MEF2A: variants seen among roughly 807,000 people sequenced by gnomAD.
MEF2A encodes the protein myocyte enhancer factor 2A.
Under a neutral mutation model 55.8 loss-of-function variants are expected in MEF2A, and 28 were observed. The ratio of observed to expected loss-of-function variants is 0.50; its 90% CI spans 0.37 to 0.69. The LOEUF (loss-of-function observed/expected upper bound fraction) is 0.69, where lower values mean the gene tolerates loss of function less well. Ranked by LOEUF, MEF2A falls within the 30% of genes least tolerant of loss-of-function variation. The pLI is 0.00. For missense variants in MEF2A, 528 were observed against 626.2 expected, an observed-to-expected ratio of 0.84 and a Z score of 1.67; for synonymous variants, 239 against 227.1, an observed-to-expected ratio of 1.05 and a Z score of -0.47.
At position 99,678,316 on chromosome 15, in the gene MEF2A, T is replaced by G. The variant is rs189377210; in HGVS notation, c.670+2858T>G. Reference sequence around the variant, plus strand: ...AGTTCTCTGAAATTTGCTGATACTTTTTTATAGGCCAGCATGTGCTCAATT... The same window carrying G: ...AGTTCTCTGAAATTTGCTGATACTTGTTTATAGGCCAGCATGTGCTCAATT... On this transcript the variant is annotated intron_variant, in intron 7 of 11. Transcript: ENST00000557942. 2.6e-3 allele frequency among the ~76,000 whole-genome samples: 396 copies of G among 152,338 alleles called. 1 individual carries two copies. The highest frequency in any genetic ancestry group is 4.2e-3 in the Non-Finnish European group (285 of 68,012).
At chr15:99,590,958 CAT>C (rs1969076613) in intron 1 of MEF2A, among the ~76,000 whole-genome samples, 2 of 152,120 alleles carry the variant, frequency 1.3e-5, no homozygotes, top group African/African-American at 4.8e-5. Flanking sequence ...TAAAAAATTT[CAT>C]AGACTATATC....
chr15:99,643,781 C>T (rs1596733650), intron 3 of MEF2A, among the ~76,000 whole-genome samples: 3 of 151,906 alleles, frequency 2.0e-5, no homozygotes, highest in Admixed American at 6.6e-5. Context: ...TTAGTAGAGA[C>T]GGGGTTTCGT....
At chr15:99,637,918 C>T (rs1005464921) in intron 3 of MEF2A, among the ~76,000 whole-genome samples, 2 of 152,222 alleles carry the variant, frequency 1.3e-5, no homozygotes, top group African/African-American at 4.8e-5. Flanking sequence ...GTTGGAATCA[C>T]AGGCGTGAGC....
intron 8 of MEF2A, among the ~76,000 whole-genome samples, chr15:99,699,982 G>C (rs77788172): frequency 2.6e-5 from 3 of 114,792 alleles, no homozygotes; most frequent in African/African-American, 9.1e-5. Flanking sequence ...GTGTGTGTGT[G>C]TGTATATATA....
intron 8 of MEF2A, among the ~76,000 whole-genome samples, chr15:99,702,429 C>CTT (rs11429799): frequency 0.013 from 1,716 of 134,294 alleles, 33 homozygotes; most frequent in African/African-American, 0.031. Flanking sequence ...AAAAATGTTT[C>CTT]TTTTTTTTTT....
At chr15:99,594,020 A>T (rs1046558450) in intron 1 of MEF2A, among the ~76,000 whole-genome samples, 5 of 152,052 alleles carry the variant, frequency 3.3e-5, no homozygotes, top group Non-Finnish European at 5.9e-5. Flanking sequence ...TTTCCCACTT[A>T]CCAAGTAGTT....
chr15:99,628,990 A>G (rs2042487193), intron 2 of MEF2A, among the ~76,000 whole-genome samples: 1 of 145,606 alleles, frequency 6.9e-6, no homozygotes, highest in Non-Finnish European at 1.5e-5. Context: ...TGTCAGATAC[A>G]AAATTTTGGT....
At chr15:99,678,078 T>G (rs2052470031) in intron 7 of MEF2A, among the ~76,000 whole-genome samples, 1 of 152,248 alleles carries the variant, frequency 6.6e-6, no homozygotes. Context: ...AAATACTGAT[T>G]ATTTAAAAGA....
intron 4 of MEF2A, among the ~76,000 whole-genome samples, chr15:99,655,756 T>C (rs1248467532): frequency 2.0e-5 from 3 of 152,136 alleles, no homozygotes; most frequent in Non-Finnish European, 4.4e-5. Flanking sequence ...CACATCATGC[T>C]GTTTAAAAAT....
chr15:99,610,032 A>G (rs1976574380), intron 2 of MEF2A, among the ~76,000 whole-genome samples: 2 of 151,986 alleles, frequency 1.3e-5, no homozygotes. Flanking sequence ...AGTGGATACT[A>G]TTTAGAGGAC....
intron 8 of MEF2A, among the ~76,000 whole-genome samples, chr15:99,691,139 T>A (rs1597190099): frequency 7.9e-6 from 1 of 126,680 alleles, no homozygotes; most frequent in African/African-American, 3.0e-5. Context: ...AGGAGTGAAA[T>A]TTAGTAGCCA....
intron 3 of MEF2A, among the ~76,000 whole-genome samples, chr15:99,642,988 C>A (rs1279165983): frequency 6.6e-6 from 1 of 152,116 alleles, no homozygotes; most frequent in Non-Finnish European, 1.5e-5. Flanking sequence ...GTAAACATGA[C>A]TTTATTCCAT....
Position 99,714,959 on chromosome 15 carries a change from C to G in MEF2A, c.*2188C>G, listed in dbSNP as rs1234715485. ...GGCTGCAAACTGGAGGTTCTGTTCT[C>G]ATGGCAGTTTGGGCAGTAACTTTTG... On this transcript the variant is annotated 3_prime_UTR_variant, in exon 12 of 12. Coordinates refer to ENST00000557942, the MANE Select transcript of MEF2A (RefSeq NM_001319206.4). 1 of 152,120 alleles carries G rather than the reference C, an allele frequency of 6.6e-6. No individual in the cohort carries two copies. The highest frequency in any genetic ancestry group is 1.5e-5 in the Non-Finnish European group (1 of 68,046). The allele number at this position is 152,120 out of a possible 1,614,324, so 9.4% of individuals were successfully genotyped here. A position where few individuals can be genotyped will look rare whatever the true frequency, so the allele number is the denominator to read the frequency against.
At chr15:99,610,938 A>G in intron 2 of MEF2A, among the ~76,000 whole-genome samples, 1 of 152,246 alleles carries the variant, frequency 6.6e-6, no homozygotes, top group East Asian at 1.9e-4. Flanking sequence ...TTTTGCTTCT[A>G]GGGACACTAT....
intron 7 of MEF2A, among the ~76,000 whole-genome samples, chr15:99,688,625 C>G (rs1340668233): frequency 6.6e-6 from 1 of 152,040 alleles, no homozygotes; most frequent in Admixed American, 6.6e-5. Context: ...GGCGTGGTGG[C>G]GGGCGCCTGT....
intron 1 of MEF2A, among the ~76,000 whole-genome samples, chr15:99,597,552 T>C (rs1971632229): frequency 6.6e-6 from 1 of 152,146 alleles, no homozygotes; most frequent in East Asian, 1.9e-4. Flanking sequence ...CTGCCTCCAC[T>C]TGCCTTGTCA....
chr15:99,647,024 G>T (rs570031776), intron 4 of MEF2A, among the ~76,000 whole-genome samples: 5 of 152,018 alleles, frequency 3.3e-5, no homozygotes, highest in South Asian at 4.1e-4. Context: ...TTTTGCTTTT[G>T]TTGATAACTT....
At chr15:99,664,870 C>G in intron 4 of MEF2A, among the ~76,000 whole-genome samples, 1 of 152,160 alleles carries the variant, frequency 6.6e-6, no homozygotes, top group South Asian at 2.1e-4. Flanking sequence ...ATAAACATTA[C>G]TATCATAAAA....
At chr15:99,696,359 GAAAC>G (rs1038270597) in intron 8 of MEF2A, among the ~76,000 whole-genome samples, 1 of 152,118 alleles carries the variant, frequency 6.6e-6, no homozygotes, top group African/African-American at 2.4e-5. Flanking sequence ...CCTGTGCCAG[GAAAC>G]AAACTGGCAA....
Sources: allele counts gnomAD v4.1 joint callset (sites outside exome capture counted in the v4.1 genomes callset), GRCh38; gene constraint gnomAD v4.1.1; transcripts MANE v1.5; gene names NCBI Gene and HGNC (gene_info 2026-07-23, HGNC 2026-07-21).